Variants in SGCD observed in about 807,000 individuals in gnomAD.
SGCD encodes delta-sarcoglycan.
In SGCD, 18 loss-of-function variants were observed where a neutral mutation model predicts 36.6. The ratio of observed to expected loss-of-function variants is 0.49; its 90% CI spans 0.34 to 0.73. The LOEUF is 0.73. Ranked by LOEUF, SGCD falls within the 30% of genes least tolerant of loss-of-function variation. The pLI is 0.01. For synonymous variants in SGCD, 133 were observed against 130.6 expected (o/e 1.02, Z -0.12); for missense variants, 387 against 346.7 (o/e 1.12, Z -0.92).
At chr5:156,712,335 T>C (rs1755029262) in intron 7 of SGCD, among the ~76,000 whole-genome samples, 1 of 152,200 alleles carries the variant, frequency 6.6e-6, no homozygotes, top group Non-Finnish European at 1.5e-5. Context: ...TGCCGCAAGC[T>C]TGGCAGATCT....
intron 3 of SGCD, among the ~76,000 whole-genome samples, chr5:156,244,316 A>G (rs1765386890): frequency 6.6e-6 from 1 of 152,242 alleles, no homozygotes; most frequent in Non-Finnish European, 1.5e-5. Context: ...GCCCAGGGCA[A>G]TAGTGTCCTT....
At chr5:156,590,825 A>C (rs1760697195) in intron 5 of SGCD, among the ~76,000 whole-genome samples, 1 of 129,530 alleles carries the variant, frequency 7.7e-6, no homozygotes, top group Non-Finnish European at 1.6e-5. Flanking sequence ...TTCTCTCCCT[A>C]TTCCTTCCCC....
chr5:156,142,246 G>T (rs1019083678), intron 3 of SGCD, among the ~76,000 whole-genome samples: 1 of 152,198 alleles, frequency 6.6e-6, no homozygotes, highest in Non-Finnish European at 1.5e-5. Flanking sequence ...GGAAGCAGAA[G>T]CCACTATACT....
intron 3 of SGCD, among the ~76,000 whole-genome samples, chr5:156,161,511 A>G (rs752644224): frequency 2.0e-5 from 3 of 151,904 alleles, no homozygotes; most frequent in Admixed American, 6.5e-5. Context: ...TGTTTTATGG[A>G]TGAAGAGACT....
intron 3 of SGCD, among the ~76,000 whole-genome samples, chr5:156,320,547 A>G (rs1172936396): frequency 6.6e-6 from 1 of 152,226 alleles, no homozygotes; most frequent in Non-Finnish European, 1.5e-5. Flanking sequence ...CAGCTCTATC[A>G]GTATTTGCTT....
At chr5:156,283,257 A>G (rs1315649082) in intron 3 of SGCD, among the ~76,000 whole-genome samples, 1 of 152,154 alleles carries the variant, frequency 6.6e-6, no homozygotes, top group Non-Finnish European at 1.5e-5. Flanking sequence ...CACATTAGCA[A>G]TTTCATTCAT....
At chr5:156,588,886 G>T (rs1383588363) in intron 4 of SGCD, among the ~76,000 whole-genome samples, 1 of 152,014 alleles carries the variant, frequency 6.6e-6, no homozygotes, top group South Asian at 2.1e-4. Context: ...TGATCATTCT[G>T]TATACCAAGA....
chr5:156,622,952 C>A (rs1465541867), intron 6 of SGCD, among the ~76,000 whole-genome samples: 1 of 152,038 alleles, frequency 6.6e-6, no homozygotes, highest in Non-Finnish European at 1.5e-5. Flanking sequence ...CTGCTGTTTT[C>A]TCAAATGTCA....
chr5:156,540,425 T>C (rs1758306009), intron 4 of SGCD, among the ~76,000 whole-genome samples: 1 of 152,100 alleles, frequency 6.6e-6, no homozygotes, highest in African/African-American at 2.4e-5. Context: ...TCTCCATATT[T>C]ATATCTGTGG....
chr5:155,997,293 A>G (rs1224345647), intron 1 of SGCD, among the ~76,000 whole-genome samples: 1 of 152,228 alleles, frequency 6.6e-6, no homozygotes, highest in African/African-American at 2.4e-5. Context: ...GAAACTTAAG[A>G]GTCCTTGTTC....
the SGCD span, among the ~76,000 whole-genome samples, chr5:155,788,173 T>C: frequency 1.3e-5 from 2 of 152,168 alleles, no homozygotes; most frequent in Non-Finnish European, 2.9e-5. Context: ...TTGGGAAGAT[T>C]TCTTCACATG....
chr5:156,527,623 T>C (rs1312125450), intron 4 of SGCD, among the ~76,000 whole-genome samples: 2 of 152,226 alleles, frequency 1.3e-5, no homozygotes, highest in East Asian at 1.9e-4. Flanking sequence ...CTGTGAACCA[T>C]CTATCTGTGA....
At chr5:156,218,957 T>G (rs180908962) in intron 3 of SGCD, among the ~76,000 whole-genome samples, 1 of 152,168 alleles carries the variant, frequency 6.6e-6, no homozygotes, top group Non-Finnish European at 1.5e-5. Context: ...ATCCAGTCAT[T>G]TTTTTACTCA....
At chr5:155,833,053 C>CAAAA in the SGCD span, among the ~76,000 whole-genome samples, 104 of 90,324 alleles carry the variant, frequency 1.2e-3, 1 homozygote, top group African/African-American at 4.0e-3. Context: ...ACTAAAAATA[C>CAAAA]GAAAAAAAAA....
chr5:156,584,084 C>A (rs905702678), intron 4 of SGCD, among the ~76,000 whole-genome samples: 2 of 152,168 alleles, frequency 1.3e-5, no homozygotes, highest in Middle Eastern at 3.2e-3. Context: ...CAAAATTAAA[C>A]ATTTCTGTTC....
rs1757608086 is a variant in SGCD at position 156,767,186 on chromosome 5, AAAAGT to A, written c.*7801_*7805del. 6.6e-6 allele frequency: 1 copy of A among 152,210 alleles called. No homozygotes were observed. The highest frequency in any genetic ancestry group is 1.5e-5 in the Non-Finnish European group (1 of 68,030). The allele number at this position is 152,210 out of a possible 1,614,324, so 9.4% of individuals were successfully genotyped here. The stretch of plus-strand genomic sequence containing the variant: ...CTCTGGAAGAGATGCAAGATTCTAG[AAAAGT>A]AAAGGGAAGTGTCGGCACATCTAAA... On this transcript the variant is annotated 3_prime_UTR_variant, in exon 9 of 9. Coordinates refer to ENST00000337851, the MANE Select transcript of SGCD (RefSeq NM_000337.6).
chr5:155,879,135 G>A (rs927755867), intron 1 of SGCD, among the ~76,000 whole-genome samples: 4 of 151,900 alleles, frequency 2.6e-5, no homozygotes, highest in East Asian at 3.9e-4. Context: ...GTAATTGCCC[G>A]CTTGCCATGC....
Position 155,935,272 on chromosome 5 carries a change from T to C in SGCD, c.-282+64848T>C, listed in dbSNP as rs371234855. On this transcript the variant is annotated intron_variant, in intron 1 of 9. Coordinates refer to the SGCD transcript ENST00000517913. Reference sequence around the variant, plus strand: ...ACCATATCCTAGTGACTTTTGTTTATTCATTTATTCATTAATTAGTGTGTT... The same window carrying C: ...ACCATATCCTAGTGACTTTTGTTTACTCATTTATTCATTAATTAGTGTGTT... 1.4e-4 allele frequency among the ~76,000 whole-genome samples: 22 copies of C among 152,344 alleles called. No homozygotes were observed. The East Asian group carries it at 4.0e-3, about 28-fold the overall frequency.
intron 3 of SGCD, among the ~76,000 whole-genome samples, chr5:156,271,461 G>A (rs904539348): frequency 6.6e-6 from 1 of 152,070 alleles, no homozygotes; most frequent in Non-Finnish European, 1.5e-5. Context: ...GGGCAGGGGA[G>A]GGAAACCATG....
Sources: allele counts gnomAD v4.1 joint callset (sites outside exome capture counted in the v4.1 genomes callset), GRCh38; gene constraint gnomAD v4.1.1; transcripts MANE v1.5; gene names NCBI Gene and HGNC (gene_info 2026-07-23, HGNC 2026-07-21).